Variants in AP3B2 observed in about 807,000 individuals in gnomAD.
AP3B2 encodes the protein AP-3 complex subunit beta-2.
A neutral mutation model predicts 126.9 loss-of-function variants in AP3B2; 50 were observed. That is an observed-to-expected ratio of 0.39 (90% confidence interval 0.31 to 0.50). AP3B2 has a LOEUF of 0.50. Among genes scored for constraint, AP3B2 ranks in the 20% least tolerant of loss-of-function variants. The pLI is 0.79. For synonymous variants in AP3B2, 541 were observed against 565.0 expected, an observed-to-expected ratio of 0.96 and a Z score of 0.60; for missense variants, 1,177 against 1,426.4, an observed-to-expected ratio of 0.83 and a Z score of 2.82.
At chr15:82,669,077 G>A (rs148388234) in intron 14 of AP3B2, among the ~76,000 whole-genome samples, 201 of 152,316 alleles carry the variant, frequency 1.3e-3, no homozygotes, top group African/African-American at 4.8e-3. Flanking sequence ...GCCTCCTGGT[G>A]TTCATGCCTT....
Position 82,692,059 on chromosome 15 carries a change from GATC to G in AP3B2, c.114-2609_114-2607del, listed in dbSNP as rs962258639. 2.0e-6 allele frequency: 3 copies of G among 1,489,480 alleles called. No homozygotes were observed. In the African/African-American group the frequency reaches 4.2e-5, roughly 21 times the overall value. 92.3% of individuals were successfully genotyped at this position (1,489,480 alleles called of 1,614,324 possible). A position where few individuals can be genotyped will look rare whatever the true frequency, so the allele number is the denominator to read the frequency against. On this transcript the variant is annotated intron_variant, in intron 1 of 26. Coordinates refer to ENST00000535359, the MANE Select transcript of AP3B2 (RefSeq NM_001278512.2). Reference sequence around the variant, plus strand: ...TCCTGAAACAAGAACTCGGAAATCAGATCTTCTTGCAGAAGGCCCATTCCTCCC... The same window carrying G: ...TCCTGAAACAAGAACTCGGAAATCAGTTCTTGCAGAAGGCCCATTCCTCCC...
chr15:82,689,596 A>G (rs2151449709), intron 1 of AP3B2, 143 bp from the exon 2 acceptor site: 1 of 684,214 alleles, frequency 1.5e-6, no homozygotes, highest in South Asian at 1.8e-5. Context: ...GCCAGGGGGA[A>G]CAAGTAAAGT....
rs556145269 is a variant in AP3B2 at position 82,703,571 on chromosome 15, C to T, written c.113+6023G>A. On this transcript the variant is annotated intron_variant, in intron 1 of 26. Coordinates refer to ENST00000535359, the MANE Select transcript of AP3B2 (RefSeq NM_001278512.2). ...AAATGCCTTATTTTCTTTGCAATGCCGCTTAACCCCAATACAAACTCAACA... is the reference window on the plus strand; with the variant it reads ...AAATGCCTTATTTTCTTTGCAATGCTGCTTAACCCCAATACAAACTCAACA... 3.3e-5 allele frequency among the ~76,000 whole-genome samples: 5 copies of T among 149,504 alleles called. No individual in the cohort carries two copies. The East Asian group carries it at 5.9e-4, about 18-fold the overall frequency.
At chr15:82,690,519 T>C (rs973968080) in intron 1 of AP3B2, among the ~76,000 whole-genome samples, 17 of 152,096 alleles carry the variant, frequency 1.1e-4, no homozygotes, top group Non-Finnish European at 2.5e-4. Context: ...TTTTCTGTCC[T>C]TGCAGTAGTT....
At position 82,700,397 on chromosome 15, in the gene AP3B2, C is replaced by T. The variant is rs867936559; in HGVS notation, c.113+9197G>A. Among the ~76,000 whole-genome samples, 149 of 35,080 alleles carry T rather than the reference C, an allele frequency of 4.2e-3. 1 individual carries two copies. The highest frequency in any genetic ancestry group is 0.025 in the South Asian group (10 of 400). 23.0% of individuals were successfully genotyped at this position (35,080 alleles called of 152,430 possible). On this transcript the variant is annotated intron_variant, in intron 1 of 26. Coordinates refer to ENST00000535359, the MANE Select transcript of AP3B2 (RefSeq NM_001278512.2). ...CCACTGGCCTGCCAGTGGTGGGTGG[C>T]TTTTTTTTTTTTTTTTTTCAGATGG...
chr15:82,670,611 A>G (rs1158493141), intron 14 of AP3B2, among the ~76,000 whole-genome samples: 1 of 152,196 alleles, frequency 6.6e-6, no homozygotes, highest in Non-Finnish European at 1.5e-5. Flanking sequence ...ATAAAAGAAA[A>G]CATTAGAGAA....
Position 82,681,086 on chromosome 15 carries a change from C to A in AP3B2, c.588+26G>T, listed in dbSNP as rs776099793. 13 of 1,613,546 alleles carry A rather than the reference C, an allele frequency of 8.1e-6. No homozygotes were observed. The highest frequency in any genetic ancestry group is 3.3e-4 in the Middle Eastern group (2 of 6,062). ...GAAGGCCGGCTGCCGGTCACCACCC[C>A]TCCCGGAGCGCCCCTATACACGCAC... On this transcript the variant is annotated intron_variant, in intron 6 of 26. Coordinates refer to ENST00000535359, the MANE Select transcript of AP3B2 (RefSeq NM_001278512.2). This position sits in a 1 kb window ranked among gnomAD's most constrained non-coding sequence, Gnocchi z 4.0.
intron 25 of AP3B2, among the ~76,000 whole-genome samples, chr15:82,660,289 G>A (rs2047918241): frequency 6.6e-6 from 1 of 152,074 alleles, no homozygotes; most frequent in African/African-American, 2.4e-5. Flanking sequence ...TGGCCAGTCA[G>A]TTCTTAAGAG....
intron 22 of AP3B2, 81 bp from the exon 23 acceptor site, chr15:82,663,003 G>T: frequency 6.6e-7 from 1 of 1,523,140 alleles, no homozygotes; most frequent in Non-Finnish European, 8.9e-7. Flanking sequence ...GGGCCATCCA[G>T]CAGCTGGGAC....
Position 82,677,809 on chromosome 15 carries a change from G to T in AP3B2, c.1246-6C>A. On this transcript the variant is annotated splice_polypyrimidine_tract_variant and splice_region_variant and intron_variant, in intron 11 of 26. Transcript: ENST00000535359. ...TCCATGCTGCGAATATAGGTCTGTG[G>T]GATATGACAAAGAAATCCCTCAGTG... 1 of 1,585,814 alleles carries T rather than the reference G, an allele frequency of 6.3e-7. No individual in the cohort carries two copies. The highest frequency in any genetic ancestry group is 8.6e-7 in the Non-Finnish European group (1 of 1,164,168).
rs2048324253 is a variant in AP3B2 at position 82,680,738 on chromosome 15, C to A, written c.789G>T (p.Glu263Asp). Residue 263 changes from glutamate (E) to aspartate (D), a missense_variant, in exon 8 of 27, where the codon GAG (glutamate) becomes GAT (aspartate). Glu to Asp is a conservative substitution (Grantham distance 45). Around this residue, in one of 5 missense-constraint regions of AP3B2, gnomAD observed 103 missense variants for 101.4 expected, o/e 1.02. Coordinates refer to ENST00000535359, the MANE Select transcript of AP3B2 (RefSeq NM_001278512.2). The surrounding 1 kb of genome is among the most constrained non-coding windows in gnomAD (Gnocchi z 6.1). The stretch of plus-strand genomic sequence containing the variant: ...AGCCGTAGAAGGCTTTTTCCGCGTT[C>A]TCCTCTAGTAGGGATTCCTGGACGG... ...SPTQNESLLE[E>D]NAEKAFYGSE... The A allele has an allele frequency of 1.3e-6, 2 of 1,570,080 alleles. No individual in the cohort carries two copies. The highest frequency in any genetic ancestry group is 1.7e-6 in the Non-Finnish European group (2 of 1,160,820).
intron 1 of AP3B2, among the ~76,000 whole-genome samples, chr15:82,700,587 C>T (rs1232316301): frequency 2.0e-5 from 3 of 151,022 alleles, no homozygotes; most frequent in Non-Finnish European, 4.4e-5. Context: ...TTAGTAGAGA[C>T]GGGGTTTCTC....
chr15:82,661,774 T>G, intron 25 of AP3B2, 51 bp downstream of exon 25: 1 of 1,459,764 alleles, frequency 6.9e-7, no homozygotes, highest in Non-Finnish European at 9.5e-7. Flanking sequence ...CTGGACATTC[T>G]GGAGTCAGCT....
In AP3B2 at chr15:82,682,047, C is replaced by CTTTTTTTTTT. The variant is rs769028602; in HGVS notation, c.361-477_361-468dup. On this transcript the variant is annotated intron_variant, in intron 4 of 26. Coordinates refer to ENST00000535359, the MANE Select transcript of AP3B2 (RefSeq NM_001278512.2). ...AACAAAATAGGGGTGTAGGCCCTTC[C>CTTTTTTTTTT]TTTTTTTTTTTTTTTTTTTTTTTGA... is the stretch of plus-strand genomic sequence containing the variant. Among the ~76,000 whole-genome samples the CTTTTTTTTTT allele has an allele frequency of 2.8e-4, 22 of 79,926 alleles. 3 individuals are homozygous for CTTTTTTTTTT. The highest frequency in any genetic ancestry group is 9.9e-4 in the African/African-American group (18 of 18,200). 52.4% of individuals were successfully genotyped at this position (79,926 alleles called of 152,430 possible).
In AP3B2 at chr15:82,681,023, G is replaced by C; in HGVS notation, c.589-4C>G. On this transcript the variant is annotated splice_region_variant and splice_polypyrimidine_tract_variant and intron_variant, in intron 6 of 26. Transcript: ENST00000535359. The surrounding 1 kb of genome is among the most constrained non-coding windows in gnomAD (Gnocchi z 4.0). ...TCACCACACTGCCCGCCACCAGCTG[G>C]GGAAAGAACAAAGACGAGAGGGTGA... 1 of 1,613,754 alleles carries C rather than the reference G, an allele frequency of 6.2e-7. No homozygotes were observed. The highest frequency in any genetic ancestry group is 8.5e-7 in the Non-Finnish European group (1 of 1,179,876).
intron 25 of AP3B2, among the ~76,000 whole-genome samples, chr15:82,661,310 A>G (rs957574229): frequency 1.3e-5 from 2 of 152,142 alleles, no homozygotes; most frequent in Non-Finnish European, 2.9e-5. Context: ...AATTTCCCAA[A>G]TGCATTTCAA....
intron 1 of AP3B2, among the ~76,000 whole-genome samples, chr15:82,700,605 G>T (rs565566977): frequency 6.6e-6 from 1 of 151,378 alleles, no homozygotes; most frequent in East Asian, 2.0e-4. Context: ...CTCCATGTTG[G>T]TCAGGCTGGT....
At chr15:82,662,955 A>G in intron 22 of AP3B2, 33 bp from the exon 23 acceptor site, 1 of 1,592,208 alleles carries the variant, frequency 6.3e-7, no homozygotes, top group Non-Finnish European at 8.5e-7. Context: ...GACAGAACTG[A>G]GCAAGATGGA....
In AP3B2 at chr15:82,664,263, A is replaced by G. The variant is rs1038383128; in HGVS notation, c.2261+104T>C. The G allele has an allele frequency of 1.9e-6, 3 of 1,562,470 alleles. No homozygotes were observed. In the Admixed American group the frequency reaches 5.2e-5, roughly 27 times the overall value. Reference sequence around the variant, plus strand: ...AGCTGACAGCCCCACCCAGCTCACGAGGGGCTCAGGGGCTCTTAGGAGACT... The same window carrying G: ...AGCTGACAGCCCCACCCAGCTCACGGGGGGCTCAGGGGCTCTTAGGAGACT... On this transcript the variant is annotated intron_variant, in intron 19 of 26. Transcript: ENST00000535359. The surrounding 1 kb of genome is among the most constrained non-coding windows in gnomAD (Gnocchi z 4.5).
Sources: gnomAD v4.1 joint callset for allele counts (sites outside exome capture counted in the v4.1 genomes callset) on GRCh38, gnomAD v4.1.1 for gene constraint, gnomAD v4.1.1 regional missense constraint, Gnocchi (gnomAD v3.1) non-coding constraint, MANE v1.5 for transcripts, NCBI Gene and HGNC (gene_info 2026-07-23, HGNC 2026-07-21) for gene names.